The following SAE1 variants were observed in gnomAD, a reference collection of about 807,000 sequenced individuals.
The protein encoded by SAE1 is SUMO-activating enzyme subunit 1.
A neutral mutation model predicts 40.6 loss-of-function variants in SAE1; 11 were observed. The observed-to-expected ratio is 0.27, with a 90% CI of 0.17 to 0.45. SAE1 has a LOEUF of 0.45. Among genes scored for constraint, SAE1 ranks in the 20% least tolerant of loss-of-function variants. SAE1 has a pLI of 1.00. For missense variants in SAE1, 373 were observed against 427.3 expected, an observed-to-expected ratio of 0.87 and a Z score of 1.12; for synonymous variants, 155 against 154.3, an observed-to-expected ratio of 1.00 and a Z score of -0.03.
At chr19:47,198,030 G>A (rs534652914) in intron 7 of SAE1, among the ~76,000 whole-genome samples, 2 of 152,146 alleles carry the variant, frequency 1.3e-5, no homozygotes, top group Admixed American at 6.6e-5. Flanking sequence ...TTCACCTTAC[G>A]TGACTACCTT....
At chr19:47,176,821 G>A (rs1431636581) in intron 6 of SAE1, among the ~76,000 whole-genome samples, 2 of 152,202 alleles carry the variant, frequency 1.3e-5, no homozygotes, top group African/African-American at 4.8e-5. Context: ...CCATCTGTGA[G>A]CAAAAGGTCT....
At chr19:47,183,912 T>C (rs1020935207) in intron 6 of SAE1, among the ~76,000 whole-genome samples, 1 of 152,230 alleles carries the variant, frequency 6.6e-6, no homozygotes, top group African/African-American at 2.4e-5. Flanking sequence ...TGTAGAGGGC[T>C]CTGTCAGAAC....
At chr19:47,159,896 A>T (rs1256716127) in intron 5 of SAE1, among the ~76,000 whole-genome samples, 3 of 151,968 alleles carry the variant, frequency 2.0e-5, no homozygotes, top group Non-Finnish European at 2.9e-5. Context: ...ATTTCTCCAT[A>T]TTGGCCAGGC....
In SAE1 at chr19:47,177,945, T is replaced by A. The variant is rs545872268; in HGVS notation, c.733+8022T>A. On this transcript the variant is annotated intron_variant, in intron 6 of 8. Coordinates refer to ENST00000270225, the MANE Select transcript of SAE1 (RefSeq NM_005500.3). Reference sequence around the variant, plus strand: ...AGCAGGCTAGTGGTTTCCCTATTGATAGAATATCAGAATCTGGCCAGGCGC... The same window carrying A: ...AGCAGGCTAGTGGTTTCCCTATTGAAAGAATATCAGAATCTGGCCAGGCGC... 4.5e-3 allele frequency among the ~76,000 whole-genome samples: 689 copies of A among 152,132 alleles called. 5 individuals are homozygous for A. Among genetic ancestry groups the A allele is most frequent in the Admixed American group, 7.1e-3 (108 of 15,272 alleles).
rs200629823 is a variant in SAE1, at chr19:47,169,824, G to T, written c.634G>T (p.Val212Phe). Reference sequence around the variant, plus strand: ...TTCTGCCTTTTTTCCACAGAAGGTGGTCTTCTGCCCTGTTAAAGAAGCCCT... The same window carrying T: ...TTCTGCCTTTTTTCCACAGAAGGTGTTCTTCTGCCCTGTTAAAGAAGCCCT... Reference protein sequence around the residue: ...SETTMVKKKVVFCPVKEALEV... With the variant: ...SETTMVKKKVFFCPVKEALEV... Residue 212 changes from valine (V) to phenylalanine (F), a missense_variant, in exon 6 of 9, where the codon GTC becomes TTC. Val to Phe is a conservative substitution (Grantham distance 50). Transcript: ENST00000270225. 4.3e-6 allele frequency: 7 copies of T among 1,612,498 alleles called. No homozygotes were observed. The highest frequency in any genetic ancestry group is 5.9e-6 in the Non-Finnish European group (7 of 1,178,554).
chr19:47,205,000 C>T (rs944844031), intron 8 of SAE1, among the ~76,000 whole-genome samples: 4 of 152,158 alleles, frequency 2.6e-5, no homozygotes, highest in Non-Finnish European at 5.9e-5. Context: ...TGAGGGTCTT[C>T]TGGAACATTT....
intron 4 of SAE1, among the ~76,000 whole-genome samples, chr19:47,154,899 G>C (rs1298111724): frequency 2.6e-5 from 4 of 152,076 alleles, no homozygotes; most frequent in Non-Finnish European, 4.4e-5. Flanking sequence ...AGCAACTTAC[G>C]CTGCTCTGTT....
At chr19:47,147,501 G>A (rs189758910) in intron 2 of SAE1, among the ~76,000 whole-genome samples, 13 of 151,702 alleles carry the variant, frequency 8.6e-5, no homozygotes, top group Admixed American at 4.0e-4. Flanking sequence ...CGCCCAGGCC[G>A]GAGTGCAGTG....
chr19:47,144,315 CAG>C (rs1054182855), intron 2 of SAE1, among the ~76,000 whole-genome samples: 6 of 151,926 alleles, frequency 3.9e-5, no homozygotes, highest in African/African-American at 1.5e-4. Flanking sequence ...GCCTGGGCAA[CAG>C]AGTGAGACTT....
chr19:47,169,855 T>G lies in SAE1; in HGVS notation c.665T>G (p.Val222Gly). 6.2e-7 allele frequency: 1 copy of G among 1,614,116 alleles called. No homozygotes were observed. Among genetic ancestry groups the G allele is most frequent in the South Asian group, 1.1e-5 (1 of 91,086 alleles). The change falls in exon 6 of 9, where the codon GTG becomes GGG. Residue 222 changes from valine to glycine, a missense_variant. Physicochemically the swap from Val to Gly is moderately radical, Grantham distance 109 (BLOSUM62 -3). Coordinates refer to ENST00000270225, the MANE Select transcript of SAE1 (RefSeq NM_005500.3). ...TGCCCTGTTAAAGAAGCCCTGGAGG[T>G]GGACTGGAGCAGTGAGAAAGCAAAG... The part of the protein sequence containing the change: ...VFCPVKEALE[V>G]DWSSEKAKAA...
At position 47,132,055 on chromosome 19, in the gene SAE1, C is replaced by T. The variant is rs117780807; in HGVS notation, c.98+1027C>T. ...CGGTTCACTGCAGCCTCTGGCCTCC[C>T]GGGTTCAAGACTTCCTCTCACCTCA... On this transcript the variant is annotated intron_variant, in intron 1 of 8. Transcript: ENST00000270225. 3.4e-3 allele frequency among the ~76,000 whole-genome samples: 523 copies of T among 152,062 alleles called. 3 individuals are homozygous for T. The highest frequency in any genetic ancestry group is 6.8e-3 in the Non-Finnish European group (463 of 67,990).
At chr19:47,193,434 AAGAG>A (rs2058592407) in intron 6 of SAE1, among the ~76,000 whole-genome samples, 1 of 152,140 alleles carries the variant, frequency 6.6e-6, no homozygotes, top group Non-Finnish European at 1.5e-5. Flanking sequence ...GTTCTTGAAA[AAGAG>A]AAGAGAGTAA....
At chr19:47,163,345 T>A (rs1055136447) in intron 5 of SAE1, among the ~76,000 whole-genome samples, 2 of 152,220 alleles carry the variant, frequency 1.3e-5, no homozygotes, top group Admixed American at 1.3e-4. Context: ...CAGACTTTTT[T>A]TCTTGTCATT....
intron 3 of SAE1, among the ~76,000 whole-genome samples, chr19:47,151,946 C>G (rs933266238): frequency 6.6e-6 from 1 of 152,174 alleles, no homozygotes; most frequent in Non-Finnish European, 1.5e-5. Flanking sequence ...CTGCAGGGTT[C>G]CATTTGATCA....
At chr19:47,141,476 G>A (rs962748646) in intron 1 of SAE1, among the ~76,000 whole-genome samples, 6 of 152,180 alleles carry the variant, frequency 3.9e-5, no homozygotes, top group Non-Finnish European at 5.9e-5. Flanking sequence ...AGAGCAGTCT[G>A]TAGAGCTATG....
chr19:47,174,789 G>A (rs1403962398), intron 6 of SAE1, among the ~76,000 whole-genome samples: 10 of 151,700 alleles, frequency 6.6e-5, no homozygotes, highest in Non-Finnish European at 1.3e-4. Context: ...TAGCCAGGAT[G>A]GTCTCGATGT....
At chr19:47,183,512 C>T (rs141145672) in intron 6 of SAE1, among the ~76,000 whole-genome samples, 7 of 152,306 alleles carry the variant, frequency 4.6e-5, no homozygotes, top group East Asian at 1.9e-4. Context: ...ACAGGCACCT[C>T]GTGACATTTT....
At chr19:47,141,374 T>A (rs1488745792) in intron 1 of SAE1, among the ~76,000 whole-genome samples, 6 of 151,988 alleles carry the variant, frequency 3.9e-5, no homozygotes, top group Non-Finnish European at 8.8e-5. Flanking sequence ...ACTCCTGACC[T>A]CAGGTGATCC....
intron 6 of SAE1, among the ~76,000 whole-genome samples, chr19:47,181,186 C>T (rs1387042382): frequency 2.0e-5 from 3 of 151,986 alleles, no homozygotes; most frequent in Non-Finnish European, 4.4e-5. Flanking sequence ...CGTGGTGGTG[C>T]ATGCCTGTAA....
Sources: allele counts gnomAD v4.1 joint callset (sites outside exome capture counted in the v4.1 genomes callset), GRCh38; gene constraint gnomAD v4.1.1; transcripts MANE v1.5; gene names NCBI Gene and HGNC (gene_info 2026-07-23, HGNC 2026-07-21).